Variants in C1QTNF7 observed in about 807,000 individuals in gnomAD.
C1QTNF7 encodes C1q and TNF related 7.
Under a neutral mutation model 19.6 loss-of-function variants are expected in C1QTNF7, and 15 were observed. The observed-to-expected ratio is 0.76, with a 90% CI of 0.51 to 1.18. The LOEUF is 1.18. C1QTNF7 is among the 50% of genes most tolerant of loss of function. C1QTNF7 has a pLI of 0.00. For missense variants in C1QTNF7, 324 were observed against 359.7 expected (o/e 0.90, Z 0.80); for synonymous variants, 142 against 137.5 (o/e 1.03, Z -0.23).
intron 1 of C1QTNF7, among the ~76,000 whole-genome samples, chr4:15,398,270 A>C (rs555001724): frequency 2.0e-5 from 3 of 152,302 alleles, no homozygotes; most frequent in African/African-American, 7.2e-5. Flanking sequence ...ACCTGGGGTT[A>C]CCAAGAGATC....
At chr4:15,397,061 GGAA>G (rs1483245406) in intron 1 of C1QTNF7, among the ~76,000 whole-genome samples, 1 of 152,010 alleles carries the variant, frequency 6.6e-6, no homozygotes, top group Non-Finnish European at 1.5e-5. Flanking sequence ...AGGAGAATGA[GGAA>G]GATGCAAAAG....
intron 1 of C1QTNF7, among the ~76,000 whole-genome samples, chr4:15,391,969 G>A (rs1192759821): frequency 6.6e-6 from 1 of 152,120 alleles, no homozygotes; most frequent in African/African-American, 2.4e-5. Flanking sequence ...AGAGAGAGAG[G>A]AAGGGAGTGG....
intron 1 of C1QTNF7, among the ~76,000 whole-genome samples, chr4:15,352,630 G>A (rs552549135): frequency 6.6e-6 from 1 of 152,294 alleles, no homozygotes; most frequent in Admixed American, 6.5e-5. Flanking sequence ...ACAGAGTGCT[G>A]GATGGGCAAA....
At chr4:15,357,574 T>A (rs893642426) in intron 1 of C1QTNF7, among the ~76,000 whole-genome samples, 7 of 152,214 alleles carry the variant, frequency 4.6e-5, no homozygotes, top group Non-Finnish European at 8.8e-5. Flanking sequence ...ACGGGCTCTT[T>A]TTTGGTTCTA....
At chr4:15,441,606 A>G (rs1036359258) in intron 2 of C1QTNF7, among the ~76,000 whole-genome samples, 10 of 152,262 alleles carry the variant, frequency 6.6e-5, no homozygotes, top group African/African-American at 2.4e-4. Flanking sequence ...CATCATCAAA[A>G]TGATAGTTAA....
intron 1 of C1QTNF7, among the ~76,000 whole-genome samples, chr4:15,376,459 G>A (rs1717944320): frequency 6.6e-6 from 1 of 152,194 alleles, no homozygotes; most frequent in African/African-American, 2.4e-5. Flanking sequence ...TGGCATCTGT[G>A]TGAATCTGGG....
At chr4:15,409,717 G>C (rs1468211796) in intron 1 of C1QTNF7, among the ~76,000 whole-genome samples, 6 of 152,074 alleles carry the variant, frequency 3.9e-5, no homozygotes, top group Non-Finnish European at 5.9e-5. Context: ...AACGTGCTCT[G>C]CCCACCCAAT....
intron 1 of C1QTNF7, among the ~76,000 whole-genome samples, chr4:15,355,786 G>A (rs1717123661): frequency 6.6e-6 from 1 of 152,110 alleles, no homozygotes; most frequent in African/African-American, 2.4e-5. Context: ...GAAAGTTGGA[G>A]CAGCAGCTTT....
chr4:15,402,247 C>A (rs757895161), intron 1 of C1QTNF7, among the ~76,000 whole-genome samples: 24 of 152,160 alleles, frequency 1.6e-4, no homozygotes, highest in Non-Finnish European at 2.6e-4. Context: ...GACAAGGTGA[C>A]CCAAGAGGTT....
At chr4:15,379,215 A>G (rs534589692) in intron 1 of C1QTNF7, among the ~76,000 whole-genome samples, 1 of 152,330 alleles carries the variant, frequency 6.6e-6, no homozygotes, top group South Asian at 2.1e-4. Flanking sequence ...CTGAAAAATA[A>G]GAGTAAAGAG....
intron 1 of C1QTNF7, among the ~76,000 whole-genome samples, chr4:15,359,607 A>G (rs1224378602): frequency 1.3e-5 from 2 of 152,172 alleles, no homozygotes; most frequent in Admixed American, 6.5e-5. Flanking sequence ...ATTAAAACCC[A>G]TGGAGGTTTT....
upstream of C1QTNF7, among the ~76,000 whole-genome samples, chr4:15,425,124 G>C (rs149521252): frequency 2.8e-3 from 425 of 152,156 alleles, no homozygotes; most frequent in African/African-American, 9.8e-3. Context: ...TCCCCGGTTT[G>C]TAAGGACAAG....
At chr4:15,377,993 C>T (rs1257299898) in intron 1 of C1QTNF7, among the ~76,000 whole-genome samples, 1 of 152,212 alleles carries the variant, frequency 6.6e-6, no homozygotes, top group Non-Finnish European at 1.5e-5. Context: ...GAGCCAAAGT[C>T]CCTGCCTTTG....
chr4:15,434,772 G>T (rs1337164142), intron 1 of C1QTNF7, among the ~76,000 whole-genome samples: 2 of 152,174 alleles, frequency 1.3e-5, no homozygotes, highest in African/African-American at 2.4e-5. Context: ...CAGAATTGAA[G>T]AGACCTGCTG....
intron 1 of C1QTNF7, among the ~76,000 whole-genome samples, chr4:15,397,582 C>T (rs867018504): frequency 3.9e-5 from 6 of 152,320 alleles, no homozygotes; most frequent in South Asian, 4.1e-4. Context: ...CTTACAGCTC[C>T]GTGTCACACT....
chr4:15,355,128 A>C (rs1717088805), intron 1 of C1QTNF7, among the ~76,000 whole-genome samples: 1 of 152,178 alleles, frequency 6.6e-6, no homozygotes, highest in Non-Finnish European at 1.5e-5. Context: ...TAGCAATAGA[A>C]ACATGAGGAT....
chr4:15,412,582 G>A (rs551382532), intron 1 of C1QTNF7, among the ~76,000 whole-genome samples: 4 of 152,234 alleles, frequency 2.6e-5, no homozygotes, highest in African/African-American at 9.6e-5. Context: ...CCACTTAGAT[G>A]ATCCAGGATA....
chr4:15,357,387 G>C (rs1261171361), intron 1 of C1QTNF7, among the ~76,000 whole-genome samples: 1 of 152,170 alleles, frequency 6.6e-6, no homozygotes, highest in East Asian at 1.9e-4. Context: ...TGTCAGGTTT[G>C]TCAAAGATCA....
At chr4:15,442,122 A>T (rs1464016696) in intron 2 of C1QTNF7, 46 bp from the exon 3 acceptor site, 1 of 1,535,456 alleles carries the variant, frequency 6.5e-7, no homozygotes, top group East Asian at 2.2e-5. Flanking sequence ...GTTTGTGATT[A>T]TATCTTTTGA....
Sources: gnomAD v4.1 joint callset for allele counts (sites outside exome capture counted in the v4.1 genomes callset) on GRCh38, gnomAD v4.1.1 for gene constraint, MANE v1.5 for transcripts, NCBI Gene and HGNC (gene_info 2026-07-23, HGNC 2026-07-21) for gene names.